Variants in ST8SIA5 observed in about 807,000 individuals in gnomAD.
The protein encoded by ST8SIA5 is ST8 alpha-N-acetyl-neuraminide alpha-2,8-sialyltransferase 5.
A neutral mutation model predicts 40.2 loss-of-function variants in ST8SIA5; 24 were observed. That is an observed-to-expected ratio of 0.60 (90% CI 0.43 to 0.84). ST8SIA5 has a LOEUF of 0.84. Ranked by LOEUF, ST8SIA5 falls within the 40% of genes least tolerant of loss-of-function variation. The probability of loss-of-function intolerance (pLI) is 0.00; values close to 1 mark genes in which losing one functional copy is unlikely to be tolerated. For synonymous variants in ST8SIA5, 198 were observed against 201.8 expected, an observed-to-expected ratio of 0.98 and a Z score of 0.16; for missense variants, 465 against 498.5, an observed-to-expected ratio of 0.93 and a Z score of 0.64.
intron 5 of ST8SIA5, among the ~76,000 whole-genome samples, chr18:46,685,466 C>G (rs957683599): frequency 2.0e-5 from 3 of 152,140 alleles, no homozygotes; most frequent in Non-Finnish European, 4.4e-5. Flanking sequence ...AGGCTTCCTT[C>G]TTCTAGAGAC....
chr18:46,684,960 G>A (rs953795937), intron 5 of ST8SIA5, among the ~76,000 whole-genome samples: 14 of 152,058 alleles, frequency 9.2e-5, no homozygotes, highest in Admixed American at 2.6e-4. Context: ...GGGCTGGGGA[G>A]ACAGCATTCC....
intron 2 of ST8SIA5, among the ~76,000 whole-genome samples, chr18:46,698,973 C>G (rs545520118): frequency 6.6e-6 from 1 of 152,280 alleles, no homozygotes; most frequent in South Asian, 2.1e-4. Flanking sequence ...CCTCCCTGGC[C>G]TTCAGTGAAC....
chr18:46,680,579 C>T, intron 6 of ST8SIA5, 69 bp from the exon 7 acceptor site: 4 of 1,451,078 alleles, frequency 2.8e-6, no homozygotes, highest in Non-Finnish European at 3.7e-6. Context: ...CTTCCCCACC[C>T]TTGCACCCTG....
intron 5 of ST8SIA5, among the ~76,000 whole-genome samples, chr18:46,683,481 G>A (rs71364555): frequency 0.081 from 12,304 of 152,052 alleles, 637 homozygotes; most frequent in East Asian, 0.15. Flanking sequence ...ACTGTGGCCC[G>A]GTGACTGGAG....
At chr18:46,719,369 G>A (rs1174422104) in intron 1 of ST8SIA5, among the ~76,000 whole-genome samples, 2 of 152,144 alleles carry the variant, frequency 1.3e-5, no homozygotes, top group Non-Finnish European at 2.9e-5. Context: ...AGGGAGTAGG[G>A]AAGCAAGGAC....
At chr18:46,682,943 GAC>G (rs2039411946) in intron 5 of ST8SIA5, among the ~76,000 whole-genome samples, 1 of 152,210 alleles carries the variant, frequency 6.6e-6, no homozygotes, top group Non-Finnish European at 1.5e-5. Flanking sequence ...CAGTTCTGCA[GAC>G]ATCTTGATTT....
chr18:46,695,585 G>A (rs2039549785), intron 2 of ST8SIA5, among the ~76,000 whole-genome samples: 1 of 152,190 alleles, frequency 6.6e-6, no homozygotes. Context: ...TAAGTTATTA[G>A]TATTGTTACA....
chr18:46,686,878 T>A (rs1038020443), intron 4 of ST8SIA5, among the ~76,000 whole-genome samples: 1 of 151,792 alleles, frequency 6.6e-6, no homozygotes, highest in Non-Finnish European at 1.5e-5. Flanking sequence ...ATGTTCCATA[T>A]GGCTGTTTCC....
intron 2 of ST8SIA5, 37 bp downstream of exon 2, chr18:46,704,535 C>A: frequency 1.9e-6 from 3 of 1,580,406 alleles, no homozygotes; most frequent in East Asian, 2.2e-5. Flanking sequence ...CCCACCTCCA[C>A]ATGCTCCCTG....
At chr18:46,717,206 C>A (rs926561326) in intron 1 of ST8SIA5, among the ~76,000 whole-genome samples, 2 of 152,238 alleles carry the variant, frequency 1.3e-5, no homozygotes, top group African/African-American at 4.8e-5. Context: ...AACAGGGTTG[C>A]AGCTGACCAT....
chr18:46,707,405 T>G (rs1309424123), intron 1 of ST8SIA5, among the ~76,000 whole-genome samples: 1 of 152,216 alleles, frequency 6.6e-6, no homozygotes, highest in Non-Finnish European at 1.5e-5. Context: ...TAAAACAATC[T>G]GTTTGAACTA....
chr18:46,684,077 G>A (rs1447253401), intron 5 of ST8SIA5, among the ~76,000 whole-genome samples: 1 of 152,132 alleles, frequency 6.6e-6, no homozygotes, highest in African/African-American at 2.4e-5. Context: ...CTGCTGTACT[G>A]CTATGATGAT....
chr18:46,729,125 G>T (rs1318482965), intron 1 of ST8SIA5, among the ~76,000 whole-genome samples: 1 of 151,996 alleles, frequency 6.6e-6, no homozygotes, highest in Non-Finnish European at 1.5e-5. Flanking sequence ...CTTCCCTGAG[G>T]CCCTTCTTGA....
At chr18:46,725,990 T>A (rs868433606) in intron 1 of ST8SIA5, among the ~76,000 whole-genome samples, 861 of 63,384 alleles carry the variant, frequency 0.014, 111 homozygotes, top group African/African-American at 0.043. Flanking sequence ...TATATATATA[T>A]ATATATATAT....
intron 1 of ST8SIA5, among the ~76,000 whole-genome samples, chr18:46,720,999 T>C (rs2039856353): frequency 6.6e-6 from 1 of 151,998 alleles, no homozygotes; most frequent in Non-Finnish European, 1.5e-5. Context: ...CGCTTCTTGA[T>C]GCCACCCACC....
intron 1 of ST8SIA5, among the ~76,000 whole-genome samples, chr18:46,750,200 C>T (rs1170150763): frequency 6.6e-6 from 1 of 152,140 alleles, no homozygotes; most frequent in Admixed American, 6.5e-5. Flanking sequence ...ATTTGGTTTT[C>T]CTGAGATTAA....
intron 1 of ST8SIA5, among the ~76,000 whole-genome samples, chr18:46,745,317 A>G (rs1324582002): frequency 6.6e-6 from 1 of 152,208 alleles, no homozygotes; most frequent in Non-Finnish European, 1.5e-5. Context: ...ATAGACCGCT[A>G]GCAAAACCAA....
intron 1 of ST8SIA5, 104 bp from the exon 2 acceptor site, chr18:46,704,768 T>C (rs1160806542): frequency 2.1e-6 from 2 of 966,168 alleles, no homozygotes; most frequent in Non-Finnish European, 3.3e-6. Flanking sequence ...GTGAAATAAA[T>C]AAAGCCAACC....
At chr18:46,719,726 C>CTTTCTT (rs375255602) in intron 1 of ST8SIA5, among the ~76,000 whole-genome samples, 1 of 146,498 alleles carries the variant, frequency 6.8e-6, no homozygotes, top group African/African-American at 2.5e-5. Context: ...TTCTCTCTTT[C>CTTTCTT]TCTCTCTTCT....
Sources: gnomAD v4.1 joint callset for allele counts (sites outside exome capture counted in the v4.1 genomes callset) on GRCh38, gnomAD v4.1.1 for gene constraint, MANE v1.5 for transcripts, NCBI Gene and HGNC (gene_info 2026-07-23, HGNC 2026-07-21) for gene names.